Variants in PLPP4 observed in about 807,000 individuals in gnomAD.
PLPP4 encodes the protein diacylglycerol pyrophosphate like 2.
PLPP4 carries 20 observed loss-of-function variants against 32.2 expected under a neutral mutation model. The ratio of observed to expected loss-of-function variants is 0.62; its 90% CI spans 0.44 to 0.90. The LOEUF (loss-of-function observed/expected upper bound fraction) is 0.90, where lower values mean the gene tolerates loss of function less well. Ranked by LOEUF, PLPP4 falls within the 40% of genes least tolerant of loss-of-function variation. The pLI, the probability that PLPP4 is intolerant of heterozygous loss-of-function variation, is 0.00. For missense variants in PLPP4, 257 were observed against 353.1 expected (o/e 0.73, Z 2.18); for synonymous variants, 127 against 133.0 (o/e 0.95, Z 0.31).
intron 2 of PLPP4, among the ~76,000 whole-genome samples, chr10:120,511,025 G>A (rs1845705004): frequency 6.6e-6 from 1 of 152,190 alleles, no homozygotes; most frequent in South Asian, 2.1e-4. Flanking sequence ...CTTGATATGG[G>A]GAGCCTTGGG....
chr10:120,457,317 G>A lies in PLPP4; in HGVS notation c.12G>A (p.Leu4=). 1 of 1,532,988 alleles carries A rather than the reference G, an allele frequency of 6.5e-7. No individual in the cohort carries two copies. Among genetic ancestry groups the A allele is most frequent in the Non-Finnish European group, 8.8e-7 (1 of 1,138,854 alleles). The allele number at this position is 1,532,988 out of a possible 1,614,324, so 95.0% of individuals were successfully genotyped here. A position where few individuals can be genotyped will look rare whatever the true frequency, so the allele number is the denominator to read the frequency against. Residue 4 remains leucine, a synonymous_variant, in exon 1 of 7, where the codon CTG becomes CTA. Coordinates refer to ENST00000398250, the MANE Select transcript of PLPP4 (RefSeq NM_001030059.3). MRE[L]AIEIGVRALL... Reference sequence around the variant, plus strand: ...GCTCCGGCCGCACCATGCGGGAGCTGGCCATTGAGATCGGGGTGCGAGCCC... The same window carrying A: ...GCTCCGGCCGCACCATGCGGGAGCTAGCCATTGAGATCGGGGTGCGAGCCC...
chr10:120,476,469 C>T (rs896564175), intron 1 of PLPP4, among the ~76,000 whole-genome samples: 1 of 152,170 alleles, frequency 6.6e-6, no homozygotes, highest in African/African-American at 2.4e-5. Context: ...GTCATTTGCC[C>T]ATAGTCATTT....
At chr10:120,500,910 T>C (rs899535344) in intron 1 of PLPP4, among the ~76,000 whole-genome samples, 13 of 152,204 alleles carry the variant, frequency 8.5e-5, no homozygotes, top group African/African-American at 3.1e-4. Context: ...GATTGTTTTA[T>C]AGCCAAATGC....
rs1320029173 is a variant in PLPP4, at chr10:120,590,871, C to G, written c.*1369C>G. 1.3e-5 allele frequency among the ~76,000 whole-genome samples: 2 copies of G among 150,602 alleles called. No individual in the cohort carries two copies. Among genetic ancestry groups the G allele is most frequent in the Non-Finnish European group, 2.9e-5 (2 of 67,882 alleles). ...TGCAACCTTTGCCTCTGGGTTCAAG[C>G]TATTCTCGTGCCTCAGCCTCCCAAG... On this transcript the variant is annotated 3_prime_UTR_variant, in exon 7 of 7. Transcript: ENST00000398250.
chr10:120,512,521 G>A (rs754023174), intron 2 of PLPP4, among the ~76,000 whole-genome samples: 5 of 152,300 alleles, frequency 3.3e-5, no homozygotes, highest in Non-Finnish European at 4.4e-5. Context: ...AGGAGTCCCC[G>A]AGATAATTTG....
chr10:120,554,799 G>T (rs1436101566), intron 5 of PLPP4, among the ~76,000 whole-genome samples: 3 of 152,006 alleles, frequency 2.0e-5, no homozygotes, highest in Non-Finnish European at 4.4e-5. Flanking sequence ...AGACCTCATG[G>T]GAACTCACTA....
chr10:120,496,668 A>G (rs1368790667), intron 1 of PLPP4, among the ~76,000 whole-genome samples: 1 of 152,212 alleles, frequency 6.6e-6, no homozygotes, highest in Admixed American at 6.5e-5. Context: ...TGTATTCACC[A>G]GTGTTATAGG....
intron 1 of PLPP4, among the ~76,000 whole-genome samples, chr10:120,463,233 A>G (rs570735870): frequency 1.1e-4 from 16 of 152,044 alleles, no homozygotes; most frequent in Middle Eastern, 3.4e-3. Flanking sequence ...TCACCATGTT[A>G]GCCAGGATGG....
At chr10:120,529,103 AGTG>A (rs1363492754) in intron 5 of PLPP4, among the ~76,000 whole-genome samples, 1 of 152,124 alleles carries the variant, frequency 6.6e-6, no homozygotes, top group East Asian at 1.9e-4. Context: ...GTTCTAGGGC[AGTG>A]GTTCTCCACT....
At chr10:120,549,222 A>G (rs1403151418) in intron 5 of PLPP4, among the ~76,000 whole-genome samples, 1 of 151,612 alleles carries the variant, frequency 6.6e-6, no homozygotes, top group Non-Finnish European at 1.5e-5. Context: ...TATTTCCAAA[A>G]ATCCTAAATA....
At chr10:120,486,472 A>T (rs1320320432) in intron 1 of PLPP4, among the ~76,000 whole-genome samples, 1 of 152,138 alleles carries the variant, frequency 6.6e-6, no homozygotes, top group Non-Finnish European at 1.5e-5. Context: ...CCTCAGTTTG[A>T]CCAGCTGTAA....
chr10:120,567,658 C>A (rs960911502), intron 5 of PLPP4, among the ~76,000 whole-genome samples: 4 of 151,576 alleles, frequency 2.6e-5, no homozygotes, highest in Non-Finnish European at 5.9e-5. Context: ...GGGTTTTCTT[C>A]ATGTTGTTGC....
At chr10:120,535,148 A>G (rs931078415) in intron 5 of PLPP4, among the ~76,000 whole-genome samples, 1 of 152,042 alleles carries the variant, frequency 6.6e-6, no homozygotes, top group Non-Finnish European at 1.5e-5. Flanking sequence ...AGCGAAGTCT[A>G]TTTTCCCCAC....
chr10:120,472,408 G>A (rs1337311459), intron 1 of PLPP4, among the ~76,000 whole-genome samples: 1 of 152,024 alleles, frequency 6.6e-6, no homozygotes, highest in African/African-American at 2.4e-5. Context: ...ATATGTCTTT[G>A]CATTATCTTG....
At chr10:120,493,910 G>A (rs1038334453) in intron 1 of PLPP4, among the ~76,000 whole-genome samples, 1 of 152,148 alleles carries the variant, frequency 6.6e-6, no homozygotes, top group Non-Finnish European at 1.5e-5. Context: ...GGGACTATGG[G>A]AGGCAGGCTT....
At chr10:120,588,282 A>G (rs1663638381) in intron 6 of PLPP4, among the ~76,000 whole-genome samples, 1 of 152,214 alleles carries the variant, frequency 6.6e-6, no homozygotes, top group South Asian at 2.1e-4. Context: ...GTCTCTATTG[A>G]GAACTACCTG....
chr10:120,461,799 T>C (rs10886692), intron 1 of PLPP4, among the ~76,000 whole-genome samples: 47,543 of 152,140 alleles, frequency 0.31, 12,141 homozygotes, highest in African/African-American at 0.71. Flanking sequence ...ATCCACTTGA[T>C]GGATATTTGG....
chr10:120,581,430 C>A, intron 6 of PLPP4: 1 of 417,742 alleles, frequency 2.4e-6, no homozygotes, highest in Non-Finnish European at 3.2e-6. Flanking sequence ...TGGAATGTGC[C>A]TTTAGAGCCT....
intron 1 of PLPP4, among the ~76,000 whole-genome samples, chr10:120,476,060 G>C (rs765243260): frequency 8.5e-5 from 13 of 152,308 alleles, no homozygotes; most frequent in Middle Eastern, 3.4e-3. Flanking sequence ...GCATGTGCCT[G>C]CATCACCACT....
Sources: gnomAD v4.1 joint callset for allele counts (sites outside exome capture counted in the v4.1 genomes callset) on GRCh38, gnomAD v4.1.1 for gene constraint, MANE v1.5 for transcripts, NCBI Gene and HGNC (gene_info 2026-07-23, HGNC 2026-07-21) for gene names.